CPEB3: variants seen among roughly 807,000 people sequenced by gnomAD.
CPEB3 encodes cytoplasmic polyadenylation element-binding protein 3.
CPEB3 carries 20 observed loss-of-function variants against 67.2 expected under a neutral mutation model. The ratio of observed to expected loss-of-function variants is 0.30; its 90% CI spans 0.21 to 0.43. CPEB3 has a LOEUF of 0.43. CPEB3 is among the 20% of genes least tolerant of loss of function. The pLI is 1.00. For missense variants in CPEB3, 746 were observed against 968.6 expected (o/e 0.77, Z 3.05); for synonymous variants, 376 against 393.1 (o/e 0.96, Z 0.51).
chr10:92,128,754 C>T (rs962218722), intron 6 of CPEB3, among the ~76,000 whole-genome samples: 3 of 152,210 alleles, frequency 2.0e-5, no homozygotes, highest in African/African-American at 2.4e-5. Context: ...AGCTCAATAT[C>T]GCTGATCATT....
chr10:92,289,844 A>ATATGTATTATATATTATAT (rs1491300900), intron 1 of CPEB3, among the ~76,000 whole-genome samples: 1 of 143,402 alleles, frequency 7.0e-6, no homozygotes, highest in African/African-American at 2.6e-5. Flanking sequence ...TATATAATAC[A>ATATGTATTATATATTATAT]AATATATATA....
At chr10:92,193,875 C>A (rs1590352826) in intron 2 of CPEB3, among the ~76,000 whole-genome samples, 1 of 151,184 alleles carries the variant, frequency 6.6e-6, no homozygotes, top group Admixed American at 6.6e-5. Flanking sequence ...TGGCTCACTG[C>A]AAGCTCCGCC....
In CPEB3 at chr10:92,239,059, A is replaced by C. The variant is rs1316159365; in HGVS notation, c.1005+287T>G. 6.6e-6 allele frequency among the ~76,000 whole-genome samples: 1 copy of C among 152,214 alleles called. No homozygotes were observed. Among genetic ancestry groups the C allele is most frequent in the Non-Finnish European group, 1.5e-5 (1 of 68,036 alleles). ...ACTTGCAGCTTTACTTGTCAAAGGA[A>C]GTCAAAATAAGAGGTACAAACACCA... On this transcript the variant is annotated intron_variant, in intron 2 of 9. Coordinates refer to ENST00000265997, the MANE Select transcript of CPEB3 (RefSeq NM_014912.5). The surrounding 1 kb of genome is among the most constrained non-coding windows in gnomAD (Gnocchi z 6.0).
At chr10:92,052,659 C>T (rs547530012) in intron 9 of CPEB3, among the ~76,000 whole-genome samples, 1 of 152,200 alleles carries the variant, frequency 6.6e-6, no homozygotes, top group Non-Finnish European at 1.5e-5. Context: ...CTCTGTGCCT[C>T]TGTTTGCTCT....
At chr10:92,256,249 T>A (rs1852506616) in intron 1 of CPEB3, among the ~76,000 whole-genome samples, 1 of 152,024 alleles carries the variant, frequency 6.6e-6, no homozygotes, top group South Asian at 2.1e-4. Flanking sequence ...TCTCCTAATG[T>A]CTCTCATCTA....
chr10:92,266,441 A>AAGC (rs1853060579), intron 1 of CPEB3, among the ~76,000 whole-genome samples: 1 of 152,146 alleles, frequency 6.6e-6, no homozygotes, highest in Admixed American at 6.6e-5. Flanking sequence ...AAGAAAGCAC[A>AAGC]AGCCCTAAGC....
Position 92,111,065 on chromosome 10 carries a change from G to A in CPEB3, c.1572+11C>T. The A allele has an allele frequency of 6.4e-7, 1 of 1,554,112 alleles. No homozygotes were observed. Among genetic ancestry groups the A allele is most frequent in the South Asian group, 1.1e-5 (1 of 89,870 alleles). On this transcript the variant is annotated intron_variant, in intron 7 of 9. Coordinates refer to ENST00000265997, the MANE Select transcript of CPEB3 (RefSeq NM_014912.5). Reference sequence around the variant, plus strand: ...CTCTGGAAAAGCAACAGCTGGCCATGTATTACTTACTGGCTTGTCCTTGAT... The same window carrying A: ...CTCTGGAAAAGCAACAGCTGGCCATATATTACTTACTGGCTTGTCCTTGAT...
At chr10:92,059,673 CA>C (rs1384097815) in intron 9 of CPEB3, among the ~76,000 whole-genome samples, 1 of 151,944 alleles carries the variant, frequency 6.6e-6, no homozygotes, top group Non-Finnish European at 1.5e-5. Context: ...AAAAGTTAAA[CA>C]AAACTGACAA....
chr10:92,178,927 G>A (rs1446454708), intron 4 of CPEB3, among the ~76,000 whole-genome samples: 2 of 152,100 alleles, frequency 1.3e-5, no homozygotes, highest in Admixed American at 1.3e-4. Flanking sequence ...GGTAGGTAAT[G>A]TAAACATCAA....
At chr10:92,150,243 GCT>G (rs760681355) in intron 4 of CPEB3, among the ~76,000 whole-genome samples, 3 of 150,864 alleles carry the variant, frequency 2.0e-5, no homozygotes, top group East Asian at 1.9e-4. Context: ...ATTTCCCTCT[GCT>G]CTCTCTCTCT....
chr10:92,268,109 C>T (rs1448851080), intron 1 of CPEB3, among the ~76,000 whole-genome samples: 2 of 152,108 alleles, frequency 1.3e-5, no homozygotes, highest in East Asian at 1.9e-4. Context: ...CCACCGCGAC[C>T]GGCCGACCTA....
intron 4 of CPEB3, among the ~76,000 whole-genome samples, chr10:92,161,767 G>C (rs1035775464): frequency 1.3e-5 from 2 of 152,152 alleles, no homozygotes; most frequent in African/African-American, 4.8e-5. Context: ...CGGTACAAGC[G>C]ATTCTTCTGT....
rs138877825 is a variant in CPEB3 at position 92,253,296 on chromosome 10, C to T, written c.-11-12935G>A. Among the ~76,000 whole-genome samples the T allele has an allele frequency of 2.3e-3, 350 of 151,804 alleles. 1 individual carries two copies. The highest frequency in any genetic ancestry group is 7.8e-3 in the African/African-American group (324 of 41,396). On this transcript the variant is annotated intron_variant, in intron 1 of 9. Transcript: ENST00000265997. ...CCAACATGGTGAAATGCCATCTCTA[C>T]TAAATATACAAAAATTAGCCAGGTG...
chr10:92,220,576 T>C (rs1850647840), intron 2 of CPEB3, among the ~76,000 whole-genome samples: 1 of 134,060 alleles, frequency 7.5e-6, no homozygotes, highest in South Asian at 2.6e-4. Context: ...TAAACTGCCA[T>C]GTTAAAAAAA....
chr10:92,286,067 C>G (rs1446323319), intron 1 of CPEB3, among the ~76,000 whole-genome samples: 1 of 151,766 alleles, frequency 6.6e-6, no homozygotes, highest in Non-Finnish European at 1.5e-5. Flanking sequence ...TCCCGAGTAG[C>G]TGGGACTACA....
intron 9 of CPEB3, among the ~76,000 whole-genome samples, chr10:92,056,484 G>C (rs1842116782): frequency 6.6e-6 from 1 of 152,144 alleles, no homozygotes; most frequent in Non-Finnish European, 1.5e-5. Flanking sequence ...TCATATTGCT[G>C]AAAGAAGCAC....
At chr10:92,097,295 C>T (rs1028602440) in intron 7 of CPEB3, among the ~76,000 whole-genome samples, 7 of 152,176 alleles carry the variant, frequency 4.6e-5, no homozygotes, top group Non-Finnish European at 1.0e-4. Flanking sequence ...AAATTATCTG[C>T]GGACCAGATC....
chr10:92,215,568 A>C (rs1485174939), intron 2 of CPEB3, among the ~76,000 whole-genome samples: 2 of 147,978 alleles, frequency 1.4e-5, no homozygotes, highest in Admixed American at 6.8e-5. Flanking sequence ...CTGCCTCCTG[A>C]GTAGCTGGGA....
intron 2 of CPEB3, among the ~76,000 whole-genome samples, chr10:92,193,495 T>A (rs1290003571): frequency 6.6e-6 from 1 of 151,940 alleles, no homozygotes; most frequent in African/African-American, 2.4e-5. Context: ...TCTTGCTTTG[T>A]TGCCGAGGTT....
Sources: allele counts gnomAD v4.1 joint callset (sites outside exome capture counted in the v4.1 genomes callset), GRCh38; gene constraint gnomAD v4.1.1; non-coding constraint Gnocchi (gnomAD v3.1); transcripts MANE v1.5; gene names NCBI Gene and HGNC (gene_info 2026-07-23, HGNC 2026-07-21).